CDH4: variants seen among roughly 807,000 people sequenced by gnomAD.
CDH4 encodes cadherin-4.
In CDH4, 33 loss-of-function variants were observed where a neutral mutation model predicts 86.0. The observed-to-expected ratio is 0.38, with a 90% CI of 0.29 to 0.51. The LOEUF (loss-of-function observed/expected upper bound fraction) is 0.51. Ranked by LOEUF, CDH4 falls within the 20% of genes least tolerant of loss-of-function variation. CDH4 has a pLI of 0.86. For missense variants in CDH4, 1,114 were observed against 1,307.4 expected, an observed-to-expected ratio of 0.85 and a Z score of 2.28; for synonymous variants, 555 against 549.4, an observed-to-expected ratio of 1.01 and a Z score of -0.14.
intron 4 of CDH4, among the ~76,000 whole-genome samples, chr20:61,808,341 AAAAT>A (rs534974250): frequency 4.1e-4 from 62 of 151,854 alleles, no homozygotes; most frequent in Admixed American, 1.3e-3. Context: ...ACCAGCTGCA[AAAAT>A]AAATAAATAA....
chr20:61,876,413 G>A (rs1434725359), intron 7 of CDH4, among the ~76,000 whole-genome samples: 6 of 152,216 alleles, frequency 3.9e-5, no homozygotes, highest in Non-Finnish European at 5.9e-5. Flanking sequence ...TATCGGCCGC[G>A]AGAGAGCAAC....
intron 2 of CDH4, among the ~76,000 whole-genome samples, chr20:61,727,302 C>T (rs1302780397): frequency 6.6e-6 from 1 of 152,050 alleles, no homozygotes; most frequent in Admixed American, 6.5e-5. Flanking sequence ...CCATCATCAC[C>T]ATCAGAGCCA....
At chr20:61,514,313 C>T (rs557976593) in intron 2 of CDH4, among the ~76,000 whole-genome samples, 2,111 of 130,006 alleles carry the variant, frequency 0.016, 28 homozygotes, top group Non-Finnish European at 0.021. Context: ...TCCGCCCCCC[C>T]CGCCCCCCCC....
chr20:61,396,030 G>A (rs574180806), intron 2 of CDH4, among the ~76,000 whole-genome samples: 2 of 152,134 alleles, frequency 1.3e-5, no homozygotes, highest in Non-Finnish European at 2.9e-5. Context: ...TGGATGTGGG[G>A]CCGCCAAATT....
chr20:61,736,668 AGAGG>A (rs997540447), intron 2 of CDH4, among the ~76,000 whole-genome samples: 1 of 151,690 alleles, frequency 6.6e-6, no homozygotes, highest in African/African-American at 2.4e-5. Flanking sequence ...AGAGGGAGAG[AGAGG>A]GAGAGAGGAG....
chr20:61,798,292 C>A (rs548964145), intron 4 of CDH4, among the ~76,000 whole-genome samples: 2 of 152,188 alleles, frequency 1.3e-5, no homozygotes, highest in Admixed American at 6.5e-5. Context: ...CCGCCTCGCA[C>A]GCATCCCCGC....
chr20:61,631,601 G>C (rs1235475885), intron 2 of CDH4, among the ~76,000 whole-genome samples: 1 of 152,124 alleles, frequency 6.6e-6, no homozygotes, highest in African/African-American at 2.4e-5. Flanking sequence ...CCGAGATCAC[G>C]CCACTGCTCT....
intron 2 of CDH4, among the ~76,000 whole-genome samples, chr20:61,550,011 G>C (rs758510591): frequency 1.3e-5 from 2 of 152,196 alleles, no homozygotes; most frequent in Admixed American, 6.5e-5. Context: ...ACTCACTGCA[G>C]CCCTGGCCTC....
chr20:61,925,975 A>G (rs1185162195), intron 11 of CDH4, among the ~76,000 whole-genome samples: 3 of 152,228 alleles, frequency 2.0e-5, no homozygotes, highest in Non-Finnish European at 4.4e-5. Context: ...GCGCTGGGAA[A>G]TGGGGTCTTC....
intron 2 of CDH4, among the ~76,000 whole-genome samples, chr20:61,433,846 T>C (rs1600975021): frequency 6.6e-6 from 1 of 152,134 alleles, no homozygotes; most frequent in African/African-American, 2.4e-5. Context: ...TTACTACATG[T>C]GAAAAGAGTG....
chr20:61,502,836 A>C (rs1301732541), intron 2 of CDH4, among the ~76,000 whole-genome samples: 7 of 152,234 alleles, frequency 4.6e-5, no homozygotes. Flanking sequence ...GGAGACATCA[A>C]ATAATGTATT....
At chr20:61,474,281 C>T (rs920270365) in intron 2 of CDH4, among the ~76,000 whole-genome samples, 2 of 150,774 alleles carry the variant, frequency 1.3e-5, no homozygotes, top group Non-Finnish European at 3.0e-5. Context: ...CTGCCTCAGC[C>T]TCCCGAGTAG....
intron 4 of CDH4, 94 bp from the exon 5 acceptor site, chr20:61,844,574 G>A (rs1335384761): frequency 9.1e-5 from 113 of 1,241,826 alleles, no homozygotes; most frequent in Non-Finnish European, 1.2e-4. Flanking sequence ...GGTCGAGCTC[G>A]AGGAACTCAT....
At position 61,879,451 on chromosome 20, in the gene CDH4, C is replaced by G. The variant is rs963288441; in HGVS notation, c.1050+5551C>G. ...CGGGGGAAGCACCAGAGATACTTCT[C>G]AGCACCAGCCTCCATCTGACAGAGT... is the stretch of plus-strand genomic sequence containing the variant. On this transcript the variant is annotated intron_variant, in intron 7 of 15. Coordinates refer to ENST00000614565, the MANE Select transcript of CDH4 (RefSeq NM_001794.5). The surrounding 1 kb of genome is among the most constrained non-coding windows in gnomAD (Gnocchi z 4.1). Among the ~76,000 whole-genome samples the G allele has an allele frequency of 6.6e-6, 1 of 152,366 alleles. No homozygotes were observed. The highest frequency in any genetic ancestry group is 1.9e-4 in the East Asian group (1 of 5,176).
In CDH4 at chr20:61,516,431, A is replaced by G. The variant is rs1422561358; in HGVS notation, c.170-227132A>G. On this transcript the variant is annotated intron_variant, in intron 2 of 15. Coordinates refer to ENST00000614565, the MANE Select transcript of CDH4 (RefSeq NM_001794.5). The surrounding 1 kb of genome is among the most constrained non-coding windows in gnomAD (Gnocchi z 4.0). ...GCATCACCTCCGACTCCTCATCACCAGATGCCGCTGCGGCTTCCATTTTAC... is the reference window on the plus strand; with the variant it reads ...GCATCACCTCCGACTCCTCATCACCGGATGCCGCTGCGGCTTCCATTTTAC... 2.6e-5 allele frequency among the ~76,000 whole-genome samples: 4 copies of G among 152,046 alleles called. No homozygotes were observed. Among genetic ancestry groups the G allele is most frequent in the African/African-American group, 9.7e-5 (4 of 41,412 alleles).
At chr20:61,718,937 G>A (rs2087997570) in intron 2 of CDH4, 2 of 471,108 alleles carry the variant, frequency 4.2e-6, no homozygotes, top group Non-Finnish European at 8.8e-6. Context: ...GTTGGTTAGT[G>A]GGTGAAGCAG....
chr20:61,794,704 G>T lies in CDH4; in HGVS notation c.576+21522G>T, dbSNP rs1290015671. Reference sequence around the variant, plus strand: ...CTCTCCCCCAAACCACCTATGGCTGGTCCCATGCACCTAGGACCAAAAAGA... The same window carrying T: ...CTCTCCCCCAAACCACCTATGGCTGTTCCCATGCACCTAGGACCAAAAAGA... On this transcript the variant is annotated intron_variant, in intron 4 of 15. Transcript: ENST00000614565. Among the ~76,000 whole-genome samples the T allele has an allele frequency of 2.0e-5, 3 of 152,300 alleles. No individual in the cohort carries two copies. The East Asian group carries it at 5.8e-4, about 29-fold the overall frequency.
intron 9 of CDH4, among the ~76,000 whole-genome samples, chr20:61,912,371 C>G (rs1163305519): frequency 6.6e-6 from 1 of 152,170 alleles, no homozygotes; most frequent in Non-Finnish European, 1.5e-5. Context: ...CTCAACACCC[C>G]AAAGTCATCT....
chr20:61,561,315 GT>G (rs2086215057), intron 2 of CDH4, among the ~76,000 whole-genome samples: 1 of 152,228 alleles, frequency 6.6e-6, no homozygotes, highest in African/African-American at 2.4e-5. Context: ...TTGGCCCTGT[GT>G]TTTCACCACA....
Sources: allele counts gnomAD v4.1 joint callset (sites outside exome capture counted in the v4.1 genomes callset), GRCh38; gene constraint gnomAD v4.1.1; non-coding constraint Gnocchi (gnomAD v3.1); transcripts MANE v1.5; gene names NCBI Gene and HGNC (gene_info 2026-07-23, HGNC 2026-07-21).